MANBA: variants seen among roughly 807,000 people sequenced by gnomAD.
MANBA encodes beta-mannosidase.
MANBA carries 83 observed loss-of-function variants against 111.1 expected under a neutral mutation model. The observed-to-expected ratio is 0.75, with a 90% CI of 0.63 to 0.90. The LOEUF (loss-of-function observed/expected upper bound fraction) is 0.90. MANBA is among the 40% of genes least tolerant of loss of function. MANBA has a pLI of 0.00. For synonymous variants in MANBA, 370 were observed against 378.7 expected, an observed-to-expected ratio of 0.98 and a Z score of 0.27; for missense variants, 1,036 against 1,069.0, an observed-to-expected ratio of 0.97 and a Z score of 0.43.
chr4:102,659,199 G>A (rs1011235775), intron 11 of MANBA, among the ~76,000 whole-genome samples: 1 of 152,098 alleles, frequency 6.6e-6, no homozygotes, highest in African/African-American at 2.4e-5. Context: ...TGACCGTCTT[G>A]GAAGAGTAGA....
chr4:102,722,758 A>T, intron 4 of MANBA, 113 bp downstream of exon 4: 1 of 1,078,922 alleles, frequency 9.3e-7, no homozygotes, highest in Non-Finnish European at 1.4e-6. Context: ...CTAAGGGATC[A>T]GGAAAGAGAT....
At chr4:102,724,034 A>G in intron 2 of MANBA, 67 bp from the exon 3 acceptor site, 2 of 827,818 alleles carry the variant, frequency 2.4e-6, no homozygotes, top group Non-Finnish European at 4.0e-6. Context: ...TCTCTTTTTT[A>G]TTATTTAAGG....
Position 102,727,594 on chromosome 4 carries a change from T to C in MANBA, c.178-911A>G, listed in dbSNP as rs1722859012. On this transcript the variant is annotated intron_variant, in intron 1 of 16. Coordinates refer to ENST00000647097, the MANE Select transcript of MANBA (RefSeq NM_005908.4). Reference sequence around the variant, plus strand: ...CGAGAGCAATGGGTAATTGAAGCTTTTGGGCTCGGGAGACAGGCCAGTGCC... The same window carrying C: ...CGAGAGCAATGGGTAATTGAAGCTTCTGGGCTCGGGAGACAGGCCAGTGCC... The C allele has an allele frequency of 9.3e-6, 15 of 1,605,560 alleles. No homozygotes were observed. The South Asian group carries it at 1.7e-4, about 18-fold the overall frequency.
chr4:102,694,336 A>AT (rs1464307120), intron 5 of MANBA, among the ~76,000 whole-genome samples: 1 of 152,186 alleles, frequency 6.6e-6, no homozygotes, highest in Admixed American at 6.6e-5. Context: ...CCTTCCTTCC[A>AT]GTAGCACATG....
chr4:102,662,548 T>C (rs758495937), intron 11 of MANBA: 1 of 88,866 alleles, frequency 1.1e-5, no homozygotes, highest in Middle Eastern at 6.7e-3. Flanking sequence ...TGAGACTCCA[T>C]CTCAAAAAAA....
chr4:102,730,967 T>C (rs1723011902), intron 1 of MANBA, among the ~76,000 whole-genome samples: 1 of 151,844 alleles, frequency 6.6e-6, no homozygotes, highest in African/African-American at 2.4e-5. Flanking sequence ...TCCACCTCTG[T>C]CCCCCTCCCC....
At chr4:102,748,784 G>A (rs1190813613) in intron 1 of MANBA, among the ~76,000 whole-genome samples, 2 of 152,070 alleles carry the variant, frequency 1.3e-5, no homozygotes, top group African/African-American at 4.8e-5. Context: ...GTGGTGGCAG[G>A]CGCCTGTAAT....
rs141031735 is a variant in MANBA, at chr4:102,704,303, G to C, written c.673+10135C>G. 4.0e-3 allele frequency among the ~76,000 whole-genome samples: 607 copies of C among 152,148 alleles called. 5 individuals are homozygous for C. The highest frequency in any genetic ancestry group is 0.012 in the African/African-American group (513 of 41,516). On this transcript the variant is annotated intron_variant, in intron 5 of 16. Transcript: ENST00000647097. ...CGGTTATAATCCCACCTCAGCCTCC[G>C]AATACTTGGGACTACAGGCATATAC...
chr4:102,653,889 C>G (rs1730447955), intron 12 of MANBA, among the ~76,000 whole-genome samples: 1 of 152,060 alleles, frequency 6.6e-6, no homozygotes, highest in Non-Finnish European at 1.5e-5. Flanking sequence ...GAGAGTAAGT[C>G]TGAACCCAGC....
chr4:102,642,248 A>C (rs1000799321), intron 13 of MANBA, among the ~76,000 whole-genome samples: 1 of 152,158 alleles, frequency 6.6e-6, no homozygotes, highest in African/African-American at 2.4e-5. Flanking sequence ...AAGAGGGATA[A>C]ATGCTTAGTC....
rs56117652 is a variant in MANBA at position 102,719,183 on chromosome 4, C to T, written c.549+3688G>A. ...ATAAGACAGACACTCCCAGGGTGGC[C>T]GTCTACAGACCTACCCCCAGGAATG... On this transcript the variant is annotated intron_variant, in intron 4 of 16. Transcript: ENST00000647097. Among the ~76,000 whole-genome samples the T allele has an allele frequency of 8.9e-3, 1,349 of 152,224 alleles. 27 individuals are homozygous for T. Among genetic ancestry groups the T allele is most frequent in the African/African-American group, 0.031 (1,282 of 41,526 alleles).
At chr4:102,636,066 C>G (rs1042707621) in intron 14 of MANBA, 59 bp from the exon 15 acceptor site, 1 of 1,466,542 alleles carries the variant, frequency 6.8e-7, no homozygotes, top group East Asian at 2.3e-5. Context: ...GAGGCACTGT[C>G]CAATGGCCCA....
At position 102,714,473 on chromosome 4, in the gene MANBA, C is replaced by A. The variant is rs1327634831; in HGVS notation, c.638G>T (p.Cys213Phe). Residue 213 changes from cysteine to phenylalanine, a missense_variant, in exon 5 of 17, where the codon TGT (cysteine) becomes TTT (phenylalanine). Transcript: ENST00000647097. ...KDVRIEAYNI[C>F]HLNYFTFSPI... ...GGAAAATGTGAAGTAGTTCAGGTGA[C>A]AAATATTATAGGCTTCAATTCTAAC... 6.2e-7 allele frequency: 1 copy of A among 1,606,816 alleles called. No individual in the cohort carries two copies. Among genetic ancestry groups the A allele is most frequent in the East Asian group, 2.2e-5 (1 of 44,816 alleles).
chr4:102,723,841 C>A (rs779994375), intron 3 of MANBA, 21 bp downstream of exon 3: 5 of 1,401,420 alleles, frequency 3.6e-6, no homozygotes, highest in African/African-American at 2.9e-5. Flanking sequence ...TTTTTTTAAC[C>A]TAATGTCATT....
At chr4:102,668,724 T>C (rs1218778953) in intron 10 of MANBA, 2 of 478,602 alleles carry the variant, frequency 4.2e-6, no homozygotes, top group Non-Finnish European at 7.7e-6. Context: ...CAGTTGGATA[T>C]AAGAAAGAGG....
chr4:102,754,618 G>A (rs1027098337), intron 1 of MANBA, among the ~76,000 whole-genome samples: 14 of 151,490 alleles, frequency 9.2e-5, no homozygotes, highest in Non-Finnish European at 2.9e-5. Flanking sequence ...GTGCAGTGGC[G>A]TGATCTTGGC....
chr4:102,681,883 C>T (rs139661407), intron 7 of MANBA, among the ~76,000 whole-genome samples: 211 of 152,182 alleles, frequency 1.4e-3, no homozygotes, highest in African/African-American at 4.6e-3. Context: ...CAGTGGCTCA[C>T]GCCTGTAATC....
chr4:102,673,890 A>G, intron 8 of MANBA, 29 bp downstream of exon 8: 24 of 1,588,662 alleles, frequency 1.5e-5, no homozygotes, highest in Non-Finnish European at 2.0e-5. Context: ...AATTAAAAGA[A>G]GAACAAGAAA....
chr4:102,654,578 G>A (rs1730481800), intron 12 of MANBA, among the ~76,000 whole-genome samples: 1 of 152,028 alleles, frequency 6.6e-6, no homozygotes, highest in South Asian at 2.1e-4. Flanking sequence ...CTGATGCAGG[G>A]GGAGCAAAAT....
Sources: gnomAD v4.1 joint callset for allele counts (sites outside exome capture counted in the v4.1 genomes callset) on GRCh38, gnomAD v4.1.1 for gene constraint, MANE v1.5 for transcripts, NCBI Gene and HGNC (gene_info 2026-07-23, HGNC 2026-07-21) for gene names.